The following MTOR variants were observed in gnomAD, a reference collection of about 807,000 sequenced individuals.
MTOR encodes mechanistic target of rapamycin kinase, also known as serine/threonine-protein kinase mTOR.
A neutral mutation model predicts 319.8 loss-of-function variants in MTOR; 70 were observed. That is an observed-to-expected ratio of 0.22 (90% CI 0.18 to 0.27). The LOEUF (loss-of-function observed/expected upper bound fraction) is 0.27. Ranked by LOEUF, MTOR falls within the 10% of genes least tolerant of loss-of-function variation. MTOR has a pLI of 1.00. For missense variants in MTOR, 1,890 were observed against 3,274.4 expected, an observed-to-expected ratio of 0.58 and a Z score of 10.32; for synonymous variants, 1,183 against 1,211.4, an observed-to-expected ratio of 0.98 and a Z score of 0.49.
intron 20 of MTOR, among the ~76,000 whole-genome samples, chr1:11,213,899 G>T (rs1646389252): frequency 6.6e-6 from 1 of 152,134 alleles, no homozygotes; most frequent in Non-Finnish European, 1.5e-5. Context: ...TCCCATGCAG[G>T]CTTTCTTCTT....
At chr1:11,242,690 T>C (rs1648234220) in intron 9 of MTOR, among the ~76,000 whole-genome samples, 1 of 152,200 alleles carries the variant, frequency 6.6e-6, no homozygotes. Flanking sequence ...TCATATTTTA[T>C]TCGCCAGGAG....
chr1:11,173,001 T>TC (rs1282996306), intron 28 of MTOR, among the ~76,000 whole-genome samples: 2 of 151,526 alleles, frequency 1.3e-5, no homozygotes, highest in Admixed American at 6.6e-5. Flanking sequence ...CTCTTTTCTT[T>TC]TTTTTTTTTT....
intron 28 of MTOR, among the ~76,000 whole-genome samples, chr1:11,197,436 G>C (rs1307937014): frequency 6.6e-6 from 1 of 152,224 alleles, no homozygotes; most frequent in African/African-American, 2.4e-5. Flanking sequence ...AGACACAGGA[G>C]ACCAGCAGAA....
In MTOR at chr1:11,241,625, G is replaced by C; in HGVS notation, c.1469C>G (p.Ala490Gly). ...ATVFTCISML[A>G]RAMGPGIQQD... The stretch of plus-strand genomic sequence containing the variant: ...CTGGATGCCTGGCCCCATTGCTCGA[G>C]CCAGCATGCTGATGCAAGTGAAGAC... Residue 490 changes from alanine to glycine, a missense_variant, in exon 10 of 58, where the codon GCT becomes GGT. Ala to Gly is a moderately conservative substitution (Grantham distance 60). Coordinates refer to ENST00000361445, the MANE Select transcript of MTOR (RefSeq NM_004958.4). The C allele has an allele frequency of 6.2e-7, 1 of 1,614,074 alleles. No homozygotes were observed. The highest frequency in any genetic ancestry group is 8.5e-7 in the Non-Finnish European group (1 of 1,179,944).
rs140483171 is a variant in MTOR at position 11,254,666 on chromosome 1, T to C, written c.706-693A>G. ...GTAATCAGCACAGGCCTCATTATAC[T>C]AGAGCAGAGAGAAATGGCACTTTCT... On this transcript the variant is annotated intron_variant, in intron 5 of 57. Transcript: ENST00000361445. 3.1e-3 allele frequency among the ~76,000 whole-genome samples: 469 copies of C among 152,304 alleles called. 5 individuals carry two copies. The highest frequency in any genetic ancestry group is 0.011 in the African/African-American group (455 of 41,578).
intron 49 of MTOR, among the ~76,000 whole-genome samples, chr1:11,117,809 G>T (rs1424028517): frequency 1.3e-5 from 2 of 152,150 alleles, no homozygotes; most frequent in African/African-American, 2.4e-5. Flanking sequence ...GCTGGGCACG[G>T]TAGCTCATGC....
At chr1:11,160,002 G>A (rs1190621076) in intron 29 of MTOR, among the ~76,000 whole-genome samples, 2 of 152,188 alleles carry the variant, frequency 1.3e-5, no homozygotes, top group Admixed American at 1.3e-4. Flanking sequence ...GTAGGCCAAA[G>A]ATGGCAGTAG....
At chr1:11,122,835 C>T (rs910447083) in intron 47 of MTOR, among the ~76,000 whole-genome samples, 4 of 152,038 alleles carry the variant, frequency 2.6e-5, no homozygotes, top group Admixed American at 6.6e-5. Context: ...GAGCCCCCGC[C>T]GCAGCAGGCT....
chr1:11,117,198 T>C (rs2100332509), intron 49 of MTOR, 112 bp from the exon 50 acceptor site: 4 of 853,610 alleles, frequency 4.7e-6, no homozygotes, highest in South Asian at 1.9e-5. Flanking sequence ...TCTCGCTCTG[T>C]CGCCCAGGCT....
rs1363405074 is a variant in MTOR at position 11,240,512 on chromosome 1, C to T, written c.1577G>A (p.Arg526His). The change falls in exon 11 of 58, where the codon CGT becomes CAT. Residue 526 changes from arginine to histidine, a missense_variant. Physicochemically the swap from Arg to His is conservative, Grantham distance 29. This residue lies in a region of MTOR where 418 missense variants were observed against 543.1 expected (regional missense o/e 0.77). Transcript: ENST00000361445. ...GTCCTTCTTTAGCTGTGGAATCTGA[C>T]GGCTCAGGTCGTAGAGCACTGCAGT... ...ALTAVLYDLSRQIPQLKKDIQ... is the reference protein window; with the variant it reads ...ALTAVLYDLSHQIPQLKKDIQ... 16 of 1,613,988 alleles carry T rather than the reference C, an allele frequency of 9.9e-6. No homozygotes were observed. Among genetic ancestry groups the T allele is most frequent in the East Asian group, 2.2e-5 (1 of 44,890 alleles).
intron 28 of MTOR, among the ~76,000 whole-genome samples, chr1:11,174,825 C>T (rs1342379415): frequency 6.6e-6 from 1 of 152,156 alleles, no homozygotes; most frequent in East Asian, 1.9e-4. Context: ...CCTATTAATG[C>T]TGCAGGCTTA....
At chr1:11,232,910 C>G in intron 15 of MTOR, 1 of 634,962 alleles carries the variant, frequency 1.6e-6, no homozygotes. Flanking sequence ...TTTAAAAAAG[C>G]CCTCTCTTCC....
chr1:11,106,591 G>T lies in MTOR; in HGVS notation c.*894C>A. 9.3e-7 allele frequency: 1 copy of T among 1,072,502 alleles called. No individual in the cohort carries two copies. The highest frequency in any genetic ancestry group is 1.1e-6 in the Non-Finnish European group (1 of 883,142). 66.4% of individuals were successfully genotyped at this position (1,072,502 alleles called of 1,614,324 possible). ...ACAAAAATTATTCTGATACAACATG[G>T]TGTCTAGACATGGCTACACTTTATA... is the stretch of plus-strand genomic sequence containing the variant. On this transcript the variant is annotated 3_prime_UTR_variant, in exon 58 of 58. Coordinates refer to ENST00000361445, the MANE Select transcript of MTOR (RefSeq NM_004958.4).
intron 46 of MTOR, among the ~76,000 whole-genome samples, chr1:11,125,660 G>A (rs1415159743): frequency 6.6e-6 from 1 of 151,416 alleles, no homozygotes; most frequent in Non-Finnish European, 1.5e-5. Context: ...AACTCAGGAG[G>A]TGGGGTTGCA....
intron 47 of MTOR, among the ~76,000 whole-genome samples, chr1:11,123,729 A>G (rs1642665318): frequency 6.6e-6 from 1 of 151,978 alleles, no homozygotes; most frequent in South Asian, 2.1e-4. Flanking sequence ...GTAGCCTTCC[A>G]AAGTGTCGGG....
At chr1:11,226,257 C>T (rs1401228588) in intron 19 of MTOR, 3 of 151,948 alleles carry the variant, frequency 2.0e-5, no homozygotes, top group Non-Finnish European at 4.4e-5. Context: ...CTATCTAGTG[C>T]TCATTTTGGC....
intron 28 of MTOR, among the ~76,000 whole-genome samples, chr1:11,188,028 A>C (rs1275750388): frequency 6.6e-6 from 1 of 152,140 alleles, no homozygotes; most frequent in African/African-American, 2.4e-5. Context: ...AACAGAAATT[A>C]CTTTCTGAGG....
intron 49 of MTOR, among the ~76,000 whole-genome samples, chr1:11,118,247 T>C (rs980109453): frequency 2.3e-5 from 3 of 127,782 alleles, no homozygotes; most frequent in Non-Finnish European, 4.8e-5. Context: ...TTTTTTTTTT[T>C]TTTTTTTTGG....
At chr1:11,190,003 C>T in intron 28 of MTOR, 1 of 1,558,618 alleles carries the variant, frequency 6.4e-7, no homozygotes. Flanking sequence ...TCCCCATCTA[C>T]AGCACTGCTT....
Sources: gnomAD v4.1 joint callset for allele counts (sites outside exome capture counted in the v4.1 genomes callset) on GRCh38, gnomAD v4.1.1 for gene constraint, gnomAD v4.1.1 regional missense constraint, MANE v1.5 for transcripts, NCBI Gene and HGNC (gene_info 2026-07-23, HGNC 2026-07-21) for gene names.